The following CEP128 variants were observed in gnomAD, a reference collection of about 807,000 sequenced individuals.
CEP128 encodes centrosomal protein 128kDa.
Under a neutral mutation model 156.7 loss-of-function variants are expected in CEP128, and 132 were observed. The observed-to-expected ratio is 0.84, with a 90% confidence interval of 0.73 to 0.97. CEP128 has a LOEUF of 0.97. Among genes scored for constraint, CEP128 ranks in the 50% least tolerant of loss-of-function variants. The pLI, the probability that CEP128 is intolerant of heterozygous loss-of-function variation, is 0.00. For synonymous variants in CEP128, 469 were observed against 448.9 expected, an observed-to-expected ratio of 1.04 and a Z score of -0.57; for missense variants, 1,252 against 1,281.9, an observed-to-expected ratio of 0.98 and a Z score of 0.36.
chr14:80,656,295 A>ATATATATATATATATTTT, intron 19 of CEP128, among the ~76,000 whole-genome samples: 1 of 3,580 alleles, frequency 2.8e-4, no homozygotes, highest in African/African-American at 1.8e-3. Context: ...ATATATTTAT[A>ATATATATATATATATTTT]TATATATATA....
chr14:80,799,982 T>C (rs1027672621), intron 13 of CEP128, among the ~76,000 whole-genome samples: 1 of 152,200 alleles, frequency 6.6e-6, no homozygotes, highest in African/African-American at 2.4e-5. Flanking sequence ...GTGATCTTTG[T>C]TAGACCCTTA....
chr14:80,519,643 A>C (rs377664567), intron 23 of CEP128, among the ~76,000 whole-genome samples: 1 of 152,106 alleles, frequency 6.6e-6, no homozygotes, highest in African/African-American at 2.4e-5. Flanking sequence ...CTTTATTCCT[A>C]TCTGAAAGTT....
intron 23 of CEP128, among the ~76,000 whole-genome samples, chr14:80,507,163 G>A (rs923041337): frequency 2.6e-5 from 4 of 151,838 alleles, no homozygotes; most frequent in African/African-American, 7.3e-5. Flanking sequence ...CTGCAGAACC[G>A]TGAGCCAATT....
chr14:80,888,826 G>C (rs1259768614), intron 8 of CEP128, among the ~76,000 whole-genome samples: 4 of 152,212 alleles, frequency 2.6e-5, no homozygotes, highest in South Asian at 2.1e-4. Flanking sequence ...AATAGGAAGA[G>C]AGGAAGTCAA....
chr14:80,686,054 G>A (rs943501066), intron 19 of CEP128, among the ~76,000 whole-genome samples: 1 of 151,962 alleles, frequency 6.6e-6, no homozygotes, highest in Admixed American at 6.6e-5. Context: ...CCTTGGGAAG[G>A]AATTTATTAG....
intron 2 of CEP128, among the ~76,000 whole-genome samples, chr14:80,932,204 GTCAATTAAACCTC>G (rs1885508348): frequency 1.3e-5 from 2 of 152,204 alleles, no homozygotes; most frequent in Non-Finnish European, 2.9e-5. Context: ...GGAACTATGG[GTCAATTAAACCTC>G]TTTCCTTTAT....
Position 80,890,918 on chromosome 14 carries a change from C to T in CEP128, c.645+4800G>A, listed in dbSNP as rs545928798. 1.1e-4 allele frequency among the ~76,000 whole-genome samples: 16 copies of T among 152,214 alleles called. No homozygotes were observed. The South Asian group carries it at 1.5e-3, about 14-fold the overall frequency. On this transcript the variant is annotated intron_variant, in intron 8 of 24. Coordinates refer to ENST00000555265, the MANE Select transcript of CEP128 (RefSeq NM_152446.5). ...AACAGGCATTTCTCAGAAGGAGACA[C>T]ACAAACGGCAAACAGGTATACAAAA...
intron 2 of CEP128, among the ~76,000 whole-genome samples, chr14:80,936,727 C>G (rs756712937): frequency 2.4e-4 from 36 of 152,128 alleles, no homozygotes; most frequent in Non-Finnish European, 7.4e-5. Flanking sequence ...GTAAAAGACT[C>G]AAAAGATACA....
At chr14:80,482,749 G>A (rs528384484) in intron 14 of CEP128, among the ~76,000 whole-genome samples, 1 of 152,304 alleles carries the variant, frequency 6.6e-6, no homozygotes, top group South Asian at 2.1e-4. Context: ...AGTAGAAAGG[G>A]TTGTGAATTG....
chr14:80,699,898 C>T (rs1157027730), intron 19 of CEP128, among the ~76,000 whole-genome samples: 1 of 152,128 alleles, frequency 6.6e-6, no homozygotes, highest in Non-Finnish European at 1.5e-5. Flanking sequence ...CTTATGCCTG[C>T]AGCGTGTCTC....
At chr14:80,838,405 G>A in intron 10 of CEP128, 127 bp from the exon 11 acceptor site, 1 of 623,180 alleles carries the variant, frequency 1.6e-6, no homozygotes, top group South Asian at 2.0e-5. Context: ...TAATATAAAA[G>A]AATAAATATC....
At chr14:80,788,052 A>G (rs1901504444) in intron 14 of CEP128, among the ~76,000 whole-genome samples, 1 of 152,090 alleles carries the variant, frequency 6.6e-6, no homozygotes, top group Non-Finnish European at 1.5e-5. Context: ...CAAGTTTGGA[A>G]TTTCTTTGGC....
At chr14:80,770,377 C>A (rs1217245202) in intron 16 of CEP128, among the ~76,000 whole-genome samples, 1 of 152,130 alleles carries the variant, frequency 6.6e-6, no homozygotes, top group Non-Finnish European at 1.5e-5. Flanking sequence ...TTCTCTTTGC[C>A]ACAGCTGCAC....
intron 10 of CEP128, 130 bp downstream of exon 10, chr14:80,840,552 T>C: frequency 1.8e-6 from 1 of 567,464 alleles, no homozygotes. Context: ...TTGAACCAAT[T>C]GACTCCACAT....
chr14:80,837,657 GGTGA>G (rs1367932800), intron 11 of CEP128, among the ~76,000 whole-genome samples: 13 of 152,290 alleles, frequency 8.5e-5, no homozygotes, highest in Admixed American at 3.9e-4. Flanking sequence ...CTGAGGTTGT[GGTGA>G]GCCAAGATTG....
chr14:80,869,074 C>T (rs1043869923), intron 8 of CEP128, among the ~76,000 whole-genome samples: 37 of 151,952 alleles, frequency 2.4e-4, no homozygotes, highest in East Asian at 1.9e-4. Flanking sequence ...ATCATCCAGA[C>T]GGAAAGTCTA....
At chr14:80,834,320 G>A (rs940160124) in intron 12 of CEP128, among the ~76,000 whole-genome samples, 6 of 152,194 alleles carry the variant, frequency 3.9e-5, no homozygotes, top group African/African-American at 1.2e-4. Flanking sequence ...GAAGAAATAA[G>A]CAGGTAACAC....
At chr14:80,610,847 A>G (rs1432179478) in intron 19 of CEP128, among the ~76,000 whole-genome samples, 2 of 152,214 alleles carry the variant, frequency 1.3e-5, no homozygotes, top group Admixed American at 1.3e-4. Context: ...CTACATAGTT[A>G]TTAAAAAAGA....
At chr14:80,582,249 C>A (rs1891622896) in intron 19 of CEP128, among the ~76,000 whole-genome samples, 1 of 152,216 alleles carries the variant, frequency 6.6e-6, no homozygotes, top group Non-Finnish European at 1.5e-5. Context: ...GTGTCAACTC[C>A]AATTCACAGA....
Sources: gnomAD v4.1 joint callset for allele counts (sites outside exome capture counted in the v4.1 genomes callset) on GRCh38, gnomAD v4.1.1 for gene constraint, MANE v1.5 for transcripts, NCBI Gene and HGNC (gene_info 2026-07-23, HGNC 2026-07-21) for gene names.